FLT1: variants seen among roughly 807,000 people sequenced by gnomAD.
The protein encoded by FLT1 is fms related receptor tyrosine kinase 1.
FLT1 carries 49 observed loss-of-function variants against 156.3 expected under a neutral mutation model. The observed-to-expected ratio is 0.31, with a 90% confidence interval of 0.25 to 0.40. FLT1 has a LOEUF of 0.40. FLT1 is among the 10% of genes least tolerant of loss of function. The pLI, the probability that FLT1 is intolerant of heterozygous loss-of-function variation, is 1.00. For missense variants in FLT1, 1,322 were observed against 1,637.2 expected, an observed-to-expected ratio of 0.81 and a Z score of 3.32; for synonymous variants, 594 against 583.8, an observed-to-expected ratio of 1.02 and a Z score of -0.25.
In FLT1 at chr13:28,308,864, C is replaced by T. The variant is rs376553481; in HGVS notation, c.3699G>A (p.Pro1233=). ...ERIKTFEELL[P]NATSMFDDYQ... The stretch of plus-strand genomic sequence containing the variant: ...TTACATCAAACATGGAGGTGGCATT[C>T]GGTAAAAGTTCTTCAAAGGTTTTGA... Residue 1233 remains proline (P), a synonymous_variant, in exon 28 of 30, where the codon CCG becomes CCA. Transcript: ENST00000282397. The T allele has an allele frequency of 2.9e-5, 46 of 1,611,902 alleles. No homozygotes were observed. In the Admixed American group the frequency reaches 4.3e-4, roughly 15 times the overall value.
intron 14 of FLT1, among the ~76,000 whole-genome samples, chr13:28,384,652 C>T (rs1245772211): frequency 2.0e-5 from 3 of 152,070 alleles, no homozygotes; most frequent in African/African-American, 7.2e-5. Context: ...TAAAGACTTC[C>T]AGCTGAATAG....
chr13:28,350,400 G>C (rs1872702425), intron 15 of FLT1, among the ~76,000 whole-genome samples: 1 of 152,198 alleles, frequency 6.6e-6, no homozygotes, highest in African/African-American at 2.4e-5. Context: ...TTGGAATAGG[G>C]AGGGGAGATG....
chr13:28,453,879 C>T (rs1281278726), intron 3 of FLT1, among the ~76,000 whole-genome samples: 1 of 152,140 alleles, frequency 6.6e-6, no homozygotes, highest in African/African-American at 2.4e-5. Flanking sequence ...CGAACTCAGT[C>T]CTGTCCGTAG....
At chr13:28,366,109 A>T (rs1318196595) in intron 14 of FLT1, among the ~76,000 whole-genome samples, 2 of 150,848 alleles carry the variant, frequency 1.3e-5, no homozygotes, top group Non-Finnish European at 3.0e-5. Context: ...AGAAATTTGA[A>T]TTTTTTTTTT....
chr13:28,360,541 A>G (rs980195311), intron 14 of FLT1, among the ~76,000 whole-genome samples: 1 of 152,250 alleles, frequency 6.6e-6, no homozygotes, highest in Non-Finnish European at 1.5e-5. Context: ...TTATGACAAT[A>G]TGGATGAACC....
At chr13:28,403,439 A>C (rs1284076279) in intron 11 of FLT1, among the ~76,000 whole-genome samples, 4 of 152,208 alleles carry the variant, frequency 2.6e-5, no homozygotes, top group Non-Finnish European at 5.9e-5. Context: ...TACATTATAT[A>C]TGGAGTCAAG....
At chr13:28,337,833 A>C (rs115494512) in intron 17 of FLT1, among the ~76,000 whole-genome samples, 1,851 of 152,324 alleles carry the variant, frequency 0.012, 41 homozygotes, top group African/African-American at 0.042. Flanking sequence ...TGGAAGAAGC[A>C]TGTTTGATTA....
At chr13:28,399,950 G>T (rs1875334448) in intron 11 of FLT1, among the ~76,000 whole-genome samples, 1 of 152,136 alleles carries the variant, frequency 6.6e-6, no homozygotes, top group African/African-American at 2.4e-5. Context: ...CTGTGAGATG[G>T]GTATATTACC....
At position 28,303,484 on chromosome 13, in the gene FLT1, G is replaced by C. The variant is rs1870600835; in HGVS notation, c.3816-116C>G. ...TGTTCATACCTGTCTAGAGTTCATG[G>C]TTTTGGAACCCCCCCCCCCTCAATT... On this transcript the variant is annotated intron_variant, in intron 29 of 29. Transcript: ENST00000282397. The C allele has an allele frequency of 9.1e-6, 7 of 769,762 alleles. No individual in the cohort carries two copies. The South Asian group carries it at 1.1e-4, about 12-fold the overall frequency. 47.7% of individuals were successfully genotyped at this position (769,762 alleles called of 1,614,324 possible). A position where few individuals can be genotyped will look rare whatever the true frequency, so the allele number is the denominator to read the frequency against.
intron 3 of FLT1, among the ~76,000 whole-genome samples, chr13:28,462,785 A>G (rs962457331): frequency 3.9e-5 from 6 of 152,030 alleles, no homozygotes; most frequent in African/African-American, 1.4e-4. Context: ...GAATCCCCCA[A>G]TTCTGTCAAC....
chr13:28,318,295 C>T (rs1347794311), intron 24 of FLT1, among the ~76,000 whole-genome samples: 1 of 151,880 alleles, frequency 6.6e-6, no homozygotes, highest in Non-Finnish European at 1.5e-5. Flanking sequence ...CAGGGCTGGG[C>T]TGAATGGAGT....
At position 28,301,898 on chromosome 13, in the gene FLT1, C is replaced by T. The variant is rs1381579107; in HGVS notation, c.*1269G>A. Reference sequence around the variant, plus strand: ...AATACCTTGCATAAATTACATACCACCTTTTTACTCAAGGAGCTTAAAGTG... The same window carrying T: ...AATACCTTGCATAAATTACATACCATCTTTTTACTCAAGGAGCTTAAAGTG... On this transcript the variant is annotated 3_prime_UTR_variant, in exon 30 of 30. Transcript: ENST00000282397. 1 of 233,482 alleles carries T rather than the reference C, an allele frequency of 4.3e-6. No homozygotes were observed. The highest frequency in any genetic ancestry group is 8.5e-6 in the Non-Finnish European group (1 of 117,974). The allele number at this position is 233,482 out of a possible 1,614,324, so 14.5% of individuals were successfully genotyped here.
chr13:28,342,942 TTCTTTC>T (rs1872392656), intron 16 of FLT1, among the ~76,000 whole-genome samples: 1 of 63,444 alleles, frequency 1.6e-5, no homozygotes, highest in South Asian at 8.8e-4. Flanking sequence ...ATTTCTTTCT[TTCTTTC>T]TCTCTCTCTC....
Position 28,387,239 on chromosome 13 carries a change from T to G in FLT1, c.1970-2208A>C, listed in dbSNP as rs558772838. On this transcript the variant is annotated intron_variant, in intron 13 of 29. Coordinates refer to ENST00000282397, the MANE Select transcript of FLT1 (RefSeq NM_002019.4). ...AAACACTCTGAAATATACAGTAATA[T>G]GCATTTTTCTTTGTACCCATTTCTG... The G allele has an allele frequency of 8.7e-6, 9 of 1,039,988 alleles. No individual in the cohort carries two copies. The East Asian group carries it at 3.5e-4, about 40-fold the overall frequency. 64.4% of individuals were successfully genotyped at this position (1,039,988 alleles called of 1,614,324 possible).
At chr13:28,413,224 G>C (rs142550144) in intron 10 of FLT1, among the ~76,000 whole-genome samples, 1 of 152,248 alleles carries the variant, frequency 6.6e-6, no homozygotes, top group Admixed American at 6.5e-5. Context: ...TTCCGTGAGC[G>C]TCTTGGCTCA....
At chr13:28,427,627 G>GT (rs1475470994) in intron 9 of FLT1, 125 bp downstream of exon 9, 3 of 897,374 alleles carry the variant, frequency 3.3e-6, no homozygotes, top group African/African-American at 3.3e-5. Flanking sequence ...AACGTTAAGT[G>GT]TTTTTTCAAA....
Position 28,494,831 on chromosome 13 carries a change from A to T in FLT1, c.13T>A (p.Trp5Arg). The change falls in exon 1 of 30, where the codon TGG becomes AGG. Residue 5 changes from tryptophan to arginine, a missense_variant. Trp to Arg is a moderately radical substitution (Grantham distance 101). Coordinates refer to ENST00000282397, the MANE Select transcript of FLT1 (RefSeq NM_002019.4). ...GCGCACAGCAGGACCCCGGTGTCCC[A>T]GTAGCTGACCATGGTGAGCGCGACG... MVSY[W>R]DTGVLLCALL... 1 of 1,569,516 alleles carries T rather than the reference A, an allele frequency of 6.4e-7. No homozygotes were observed. The highest frequency in any genetic ancestry group is 8.6e-7 in the Non-Finnish European group (1 of 1,163,240).
chr13:28,471,577 A>G (rs551078723), intron 1 of FLT1, among the ~76,000 whole-genome samples: 2 of 152,308 alleles, frequency 1.3e-5, no homozygotes, highest in African/African-American at 4.8e-5. Flanking sequence ...CCATAAACAC[A>G]TGCATAGTCA....
chr13:28,339,530 A>G (rs896427323), intron 16 of FLT1, among the ~76,000 whole-genome samples: 3 of 152,154 alleles, frequency 2.0e-5, no homozygotes, highest in African/African-American at 4.8e-5. Flanking sequence ...GAGCTCTACC[A>G]TCCTATCTTG....
Sources: allele counts gnomAD v4.1 joint callset (sites outside exome capture counted in the v4.1 genomes callset), GRCh38; gene constraint gnomAD v4.1.1; transcripts MANE v1.5; gene names NCBI Gene and HGNC (gene_info 2026-07-23, HGNC 2026-07-21).